The following RAB28 variants were observed in gnomAD, a reference collection of about 807,000 sequenced individuals.
RAB28 encodes ras-related protein Rab-28.
Under a neutral mutation model 31.7 loss-of-function variants are expected in RAB28, and 24 were observed. The observed-to-expected ratio is 0.76, with a 90% confidence interval of 0.55 to 1.06. The LOEUF (loss-of-function observed/expected upper bound fraction) is 1.06, where lower values mean the gene tolerates loss of function less well. Among genes scored for constraint, RAB28 ranks in the 50% least tolerant of loss-of-function variants. The pLI, the probability that RAB28 is intolerant of heterozygous loss-of-function variation, is 0.00. For synonymous variants in RAB28, 100 were observed against 90.4 expected, an observed-to-expected ratio of 1.11 and a Z score of -0.60; for missense variants, 254 against 258.5, an observed-to-expected ratio of 0.98 and a Z score of 0.12.
intron 4 of RAB28, among the ~76,000 whole-genome samples, chr4:13,452,236 T>C (rs1402200338): frequency 6.6e-6 from 1 of 152,000 alleles, no homozygotes; most frequent in African/African-American, 2.4e-5. Context: ...TTTTGTTTTG[T>C]TGAAATTTTT....
chr4:13,474,200 A>C lies in RAB28; in HGVS notation c.261+118T>G. On this transcript the variant is annotated intron_variant, in intron 3 of 6. Transcript: ENST00000330852. ...GCACAAATATAAAATTATTCTCTCT[A>C]CGTATCAGATAAAAAGTTAGAAAGA... 3 of 787,036 alleles carry C rather than the reference A, an allele frequency of 3.8e-6. No homozygotes were observed. In the South Asian group the frequency reaches 4.1e-5, roughly 11 times the overall value. 48.8% of individuals were successfully genotyped at this position (787,036 alleles called of 1,614,324 possible). A position where few individuals can be genotyped will look rare whatever the true frequency, so the allele number is the denominator to read the frequency against.
chr4:13,458,559 T>A (rs148719513), intron 4 of RAB28, among the ~76,000 whole-genome samples: 2 of 152,204 alleles, frequency 1.3e-5, no homozygotes, highest in Non-Finnish European at 2.9e-5. Flanking sequence ...ATTTTCTCTT[T>A]TTCTGACCTC....
chr4:13,466,998 T>C (rs1328811791), intron 3 of RAB28, among the ~76,000 whole-genome samples: 1 of 151,092 alleles, frequency 6.6e-6, no homozygotes, highest in East Asian at 1.9e-4. Flanking sequence ...AAGTAGGGAG[T>C]AGACTGGTGG....
At chr4:13,406,604 T>A (rs1236501214) in intron 4 of RAB28, among the ~76,000 whole-genome samples, 2 of 152,180 alleles carry the variant, frequency 1.3e-5, no homozygotes, top group Admixed American at 1.3e-4. Flanking sequence ...TTGAACTAGT[T>A]TACACTCCCA....
chr4:13,407,042 C>T (rs568009713), intron 4 of RAB28, among the ~76,000 whole-genome samples: 3 of 152,214 alleles, frequency 2.0e-5, no homozygotes, highest in East Asian at 1.9e-4. Context: ...GTTGCCATTG[C>T]TTTTGGGGTT....
intron 4 of RAB28, among the ~76,000 whole-genome samples, chr4:13,409,518 A>C (rs933962427): frequency 6.6e-6 from 1 of 152,182 alleles, no homozygotes; most frequent in South Asian, 2.1e-4. Flanking sequence ...AGAGCTGCAC[A>C]AGCAGTGCAA....
chr4:13,425,974 G>A (rs1038310343), intron 4 of RAB28, among the ~76,000 whole-genome samples: 7 of 152,026 alleles, frequency 4.6e-5, no homozygotes, highest in Admixed American at 2.6e-4. Context: ...TTTTATAGCA[G>A]TGAAATATAA....
intron 4 of RAB28, among the ~76,000 whole-genome samples, chr4:13,420,828 TC>T (rs34807579): frequency 0.015 from 2,231 of 152,252 alleles, 54 homozygotes; most frequent in African/African-American, 0.05. Flanking sequence ...CTGGAAGCAT[TC>T]CCTTTGAAAA....
intron 3 of RAB28, among the ~76,000 whole-genome samples, chr4:13,463,054 G>A (rs1715679580): frequency 6.6e-6 from 1 of 152,114 alleles, no homozygotes. Flanking sequence ...ATTATAAAGT[G>A]AAATAACAAA....
At chr4:13,452,541 A>T (rs1482731379) in intron 4 of RAB28, among the ~76,000 whole-genome samples, 1 of 151,944 alleles carries the variant, frequency 6.6e-6, no homozygotes, top group Non-Finnish European at 1.5e-5. Flanking sequence ...GGTCATTTAG[A>T]ATATTGTTCA....
At chr4:13,392,857 T>A (rs1448966750) in intron 4 of RAB28, among the ~76,000 whole-genome samples, 3 of 152,142 alleles carry the variant, frequency 2.0e-5, no homozygotes, top group African/African-American at 7.2e-5. Flanking sequence ...CTGTAAACAA[T>A]AAATATAGTG....
intron 4 of RAB28, among the ~76,000 whole-genome samples, chr4:13,417,757 A>G (rs1463361745): frequency 2.0e-5 from 3 of 152,218 alleles, no homozygotes; most frequent in Non-Finnish European, 4.4e-5. Context: ...ACAAGCATCA[A>G]AGGCCAAAGG....
intron 4 of RAB28, among the ~76,000 whole-genome samples, chr4:13,421,527 A>C (rs1475223259): frequency 6.6e-6 from 1 of 152,224 alleles, no homozygotes; most frequent in Non-Finnish European, 1.5e-5. Flanking sequence ...TACAGTAACC[A>C]AAACAACATG....
chr4:13,420,878 T>C (rs1171864692), intron 4 of RAB28, among the ~76,000 whole-genome samples: 12 of 152,330 alleles, frequency 7.9e-5, no homozygotes, highest in African/African-American at 2.9e-4. Flanking sequence ...CCAGTCCTAT[T>C]CAACATAGTG....
intron 4 of RAB28, among the ~76,000 whole-genome samples, chr4:13,423,868 G>C (rs549077008): frequency 3.5e-4 from 53 of 152,236 alleles, no homozygotes; most frequent in South Asian, 6.2e-4. Flanking sequence ...TCACTGGGGA[G>C]GGAAGGGGAG....
At chr4:13,415,428 G>A (rs1712703518) in intron 4 of RAB28, among the ~76,000 whole-genome samples, 1 of 152,152 alleles carries the variant, frequency 6.6e-6, no homozygotes, top group African/African-American at 2.4e-5. Flanking sequence ...CCGGGGCTGC[G>A]CGGTGCTTGC....
At chr4:13,417,154 C>G (rs915346344) in intron 4 of RAB28, among the ~76,000 whole-genome samples, 2 of 152,208 alleles carry the variant, frequency 1.3e-5, no homozygotes, top group East Asian at 3.8e-4. Context: ...AGTCTGCGAT[C>G]GACCTGTGAG....
At chr4:13,407,996 C>A (rs1456678273) in intron 4 of RAB28, among the ~76,000 whole-genome samples, 1 of 152,126 alleles carries the variant, frequency 6.6e-6, no homozygotes, top group Non-Finnish European at 1.5e-5. Flanking sequence ...TATTTGAATA[C>A]CCTTTATTTC....
chr4:13,369,541 G>T (rs1728637280), intron 6 of RAB28, among the ~76,000 whole-genome samples: 1 of 152,044 alleles, frequency 6.6e-6, no homozygotes, highest in South Asian at 2.1e-4. Flanking sequence ...CAATTACCAA[G>T]CTATTTCAGG....
Sources: gnomAD v4.1 joint callset for allele counts (sites outside exome capture counted in the v4.1 genomes callset) on GRCh38, gnomAD v4.1.1 for gene constraint, MANE v1.5 for transcripts, NCBI Gene and HGNC (gene_info 2026-07-23, HGNC 2026-07-21) for gene names.